The following ANKFN1 variants were observed in gnomAD, a reference collection of about 807,000 sequenced individuals.
ANKFN1 encodes ankyrin repeat and fibronectin type III domain containing 1.
In ANKFN1, 74 loss-of-function variants were observed where a neutral mutation model predicts 108.7. That is an observed-to-expected ratio of 0.68 (90% CI 0.56 to 0.83). ANKFN1 has a LOEUF of 0.83. Ranked by LOEUF, ANKFN1 falls within the 40% of genes least tolerant of loss-of-function variation. The pLI, the probability that ANKFN1 is intolerant of heterozygous loss-of-function variation, is 0.00. For synonymous variants in ANKFN1, 547 were observed against 516.2 expected (o/e 1.06, Z -0.81); for missense variants, 1,505 against 1,382.3 (o/e 1.09, Z -1.41).
chr17:56,467,799 A>AGAAAG (rs1568026402), intron 15 of ANKFN1, among the ~76,000 whole-genome samples: 1 of 20,146 alleles, frequency 5.0e-5, no homozygotes, highest in African/African-American at 2.3e-4. Flanking sequence ...AAGAAGAAAG[A>AGAAAG]AAGAAAGAAA....
At chr17:56,194,405 G>A (rs1913304633) in intron 1 of ANKFN1, among the ~76,000 whole-genome samples, 1 of 152,108 alleles carries the variant, frequency 6.6e-6, no homozygotes, top group African/African-American at 2.4e-5. Context: ...TGGTACATCA[G>A]GCAATGGGGT....
chr17:56,160,089 A>G (rs913865872), intron 1 of ANKFN1, among the ~76,000 whole-genome samples: 6 of 152,200 alleles, frequency 3.9e-5, no homozygotes, highest in Non-Finnish European at 8.8e-5. Context: ...ATGGAGCAAA[A>G]GGGAGATTAA....
intron 4 of ANKFN1, among the ~76,000 whole-genome samples, chr17:56,099,676 A>G (rs1905601017): frequency 6.6e-6 from 1 of 152,248 alleles, no homozygotes; most frequent in South Asian, 2.1e-4. Context: ...TCCAGGCAGA[A>G]TCTAAGGAGA....
Position 56,456,975 on chromosome 17 carries a change from G to GT in ANKFN1, c.1307+21dup, listed in dbSNP as rs1568016328. 6.9e-6 allele frequency: 11 copies of GT among 1,603,760 alleles called. No homozygotes were observed. In the Admixed American group the frequency reaches 1.0e-4, roughly 15 times the overall value. ...ACCTTAAAACGGTGGGTTCTATGTA[G>GT]TTTTTTCAGGAAATCTTAACTTTTC... On this transcript the variant is annotated intron_variant, in intron 12 of 20. Coordinates refer to ENST00000682825, the MANE Select transcript of ANKFN1 (RefSeq NM_001370326.1).
intron 16 of ANKFN1, among the ~76,000 whole-genome samples, chr17:56,478,724 G>GAA (rs143829540): frequency 4.3e-4 from 63 of 145,784 alleles, no homozygotes; most frequent in African/African-American, 1.4e-3. Flanking sequence ...GAATAGACAA[G>GAA]AAAAAAAAAA....
intron 3 of ANKFN1, among the ~76,000 whole-genome samples, chr17:56,312,960 G>A (rs2045081425): frequency 1.3e-5 from 2 of 152,062 alleles, no homozygotes; most frequent in African/African-American, 4.8e-5. Context: ...TTCAAGACCA[G>A]CCTGGCCAAG....
rs1361898344 is a variant in ANKFN1 at position 56,457,388 on chromosome 17, A to G, written c.1439A>G (p.Lys480Arg). 2.5e-6 allele frequency: 4 copies of G among 1,583,012 alleles called. No individual in the cohort carries two copies. The highest frequency in any genetic ancestry group is 3.4e-6 in the Non-Finnish European group (4 of 1,171,594). The change falls in exon 13 of 21, where the codon AAG (lysine) becomes AGG (arginine). Residue 480 changes from lysine to arginine, a missense_variant and splice_region_variant. Coordinates refer to ENST00000682825, the MANE Select transcript of ANKFN1 (RefSeq NM_001370326.1). ...ACACAAGATTTTCTGTGGTTCACGA[A>G]GGTATACTAAGTTCTGATTTCATTT... ...SITQDFLWFT[K>R]LSCMWEDIRW...
intron 2 of ANKFN1, among the ~76,000 whole-genome samples, chr17:56,214,944 C>T (rs1335983335): frequency 6.6e-6 from 1 of 152,222 alleles, no homozygotes; most frequent in Non-Finnish European, 1.5e-5. Flanking sequence ...GCCCCAAGGC[C>T]TCTAGCTTTT....
At chr17:56,112,442 T>C (rs1293193840) in intron 4 of ANKFN1, among the ~76,000 whole-genome samples, 1 of 151,898 alleles carries the variant, frequency 6.6e-6, no homozygotes, top group Non-Finnish European at 1.5e-5. Flanking sequence ...ATTACTAAAG[T>C]AATACTTGAT....
chr17:56,304,318 C>T (rs549599583), intron 3 of ANKFN1, among the ~76,000 whole-genome samples: 1 of 152,094 alleles, frequency 6.6e-6, no homozygotes, highest in South Asian at 2.1e-4. Flanking sequence ...TTATGTGTAT[C>T]GAAATTTTGT....
intron 1 of ANKFN1, among the ~76,000 whole-genome samples, chr17:56,209,981 CT>C (rs1914846486): frequency 6.6e-6 from 1 of 152,072 alleles, no homozygotes; most frequent in African/African-American, 2.4e-5. Context: ...ATCCAGGTTG[CT>C]GCAAATGCCG....
intron 20 of ANKFN1, among the ~76,000 whole-genome samples, chr17:56,500,927 T>G (rs183171236): frequency 1.1e-3 from 170 of 152,236 alleles, no homozygotes; most frequent in African/African-American, 4.0e-3. Flanking sequence ...AACAAGATAA[T>G]TTCAGATCGT....
intron 1 of ANKFN1, among the ~76,000 whole-genome samples, chr17:56,160,141 C>T (rs572839137): frequency 1.3e-5 from 2 of 152,330 alleles, no homozygotes; most frequent in African/African-American, 4.8e-5. Context: ...TACAGCTAAA[C>T]ATTATTTATA....
chr17:56,199,410 C>T (rs1039949239), intron 1 of ANKFN1, among the ~76,000 whole-genome samples: 1 of 151,780 alleles, frequency 6.6e-6, no homozygotes. Flanking sequence ...TAATGATTTT[C>T]TTTTCTCTTT....
At chr17:56,317,423 C>T (rs769078980) in intron 3 of ANKFN1, among the ~76,000 whole-genome samples, 11 of 152,088 alleles carry the variant, frequency 7.2e-5, no homozygotes, top group South Asian at 4.1e-4. Context: ...GCTGGACTCC[C>T]GCTTATTTTG....
intron 3 of ANKFN1, among the ~76,000 whole-genome samples, chr17:56,320,089 T>G (rs2045320070): frequency 6.6e-6 from 1 of 152,132 alleles, no homozygotes; most frequent in African/African-American, 2.4e-5. Flanking sequence ...CGATAAAAAG[T>G]GGGTAATCCT....
chr17:56,416,938 C>T (rs1369733128), intron 8 of ANKFN1, among the ~76,000 whole-genome samples: 1 of 152,088 alleles, frequency 6.6e-6, no homozygotes, highest in Non-Finnish European at 1.5e-5. Flanking sequence ...CATTAGGTAA[C>T]ATGAAATAAG....
At chr17:56,339,729 C>T (rs887136052) in intron 4 of ANKFN1, among the ~76,000 whole-genome samples, 4 of 152,070 alleles carry the variant, frequency 2.6e-5, no homozygotes, top group Admixed American at 1.3e-4. Flanking sequence ...AGGTTGATTC[C>T]ATGTCTTTGC....
chr17:56,049,287 A>G (rs568015134), intron 4 of ANKFN1, among the ~76,000 whole-genome samples: 22 of 152,360 alleles, frequency 1.4e-4, no homozygotes, highest in Non-Finnish European at 2.9e-4. Flanking sequence ...AGTGGCAACC[A>G]CACAGCAGCT....
Sources: allele counts gnomAD v4.1 joint callset (sites outside exome capture counted in the v4.1 genomes callset), GRCh38; gene constraint gnomAD v4.1.1; transcripts MANE v1.5; gene names NCBI Gene and HGNC (gene_info 2026-07-23, HGNC 2026-07-21).